Variants in MLPH observed in about 807,000 individuals in gnomAD.
The protein encoded by MLPH is melanophilin.
In MLPH, 51 loss-of-function variants were observed where a neutral mutation model predicts 72.1. That is an observed-to-expected ratio of 0.71 (90% confidence interval 0.56 to 0.89). The LOEUF is 0.89. MLPH is among the 40% of genes least tolerant of loss of function. The probability of loss-of-function intolerance (pLI) is 0.00; values close to 1 mark genes in which losing one functional copy is unlikely to be tolerated. For synonymous variants in MLPH, 301 were observed against 310.1 expected (o/e 0.97, Z 0.31); for missense variants, 743 against 759.9 (o/e 0.98, Z 0.26).
chr2:237,517,660 G>C (rs946663200), intron 4 of MLPH, among the ~76,000 whole-genome samples: 2 of 146,090 alleles, frequency 1.4e-5, no homozygotes, highest in African/African-American at 5.1e-5. Context: ...GGGGTGGATG[G>C]GTAGGTGAAT....
rs565349429 is a variant in MLPH at position 237,505,142 on chromosome 2, G to T, written c.111-5432G>T. On this transcript the variant is annotated intron_variant, in intron 2 of 15. Transcript: ENST00000264605. The surrounding 1 kb of genome is among the most constrained non-coding windows in gnomAD (Gnocchi z 4.5). The stretch of plus-strand genomic sequence containing the variant: ...CCCTCCCGGTGGCCAGGTTGATGGG[G>T]TCTGGACTCCACACACTGTCCCCAC... Among the ~76,000 whole-genome samples, 1 of 152,312 alleles carries T rather than the reference G, an allele frequency of 6.6e-6. No homozygotes were observed. The highest frequency in any genetic ancestry group is 2.1e-4 in the South Asian group (1 of 4,824).
chr2:237,525,845 A>C, intron 7 of MLPH, 40 bp downstream of exon 7: 1 of 1,585,986 alleles, frequency 6.3e-7, no homozygotes, highest in African/African-American at 1.3e-5. Flanking sequence ...TGGGCTCGGC[A>C]TGGGGGAGCA....
intron 13 of MLPH, among the ~76,000 whole-genome samples, chr2:237,547,084 G>A (rs545735059): frequency 1.3e-5 from 2 of 152,340 alleles, no homozygotes; most frequent in Admixed American, 6.5e-5. Context: ...ACCCACACCC[G>A]TCAGTCCTGA....
intron 15 of MLPH, chr2:237,553,186 T>C: frequency 6.2e-6 from 3 of 482,464 alleles, no homozygotes; most frequent in Non-Finnish European, 1.3e-5. Context: ...CATGAAGACT[T>C]GGCCGATGAC....
intron 2 of MLPH, among the ~76,000 whole-genome samples, chr2:237,496,890 A>C (rs1392317869): frequency 2.0e-5 from 3 of 152,270 alleles, no homozygotes; most frequent in African/African-American, 7.2e-5. Flanking sequence ...GATGGGTCTT[A>C]CTATGAGAGT....
chr2:237,487,621 C>A (rs2079344013), intron 1 of MLPH, among the ~76,000 whole-genome samples, 184 bp downstream of exon 1: 1 of 152,266 alleles, frequency 6.6e-6, no homozygotes, highest in African/African-American at 2.4e-5. Context: ...CAGCCTTAGT[C>A]CCCCAGGCTT....
chr2:237,552,564 T>A, intron 15 of MLPH, 127 bp downstream of exon 15: 3 of 793,462 alleles, frequency 3.8e-6, no homozygotes, highest in Admixed American at 5.1e-5. Flanking sequence ...GACCTGAGAA[T>A]CAAAGCAAAA....
intron 2 of MLPH, among the ~76,000 whole-genome samples, chr2:237,502,919 G>A (rs1051560751): frequency 6.6e-6 from 1 of 152,094 alleles, no homozygotes; most frequent in Non-Finnish European, 1.5e-5. Context: ...AGGAGTTCGA[G>A]ACCAGCCTGG....
At chr2:237,517,437 G>A (rs1319273287) in intron 4 of MLPH, among the ~76,000 whole-genome samples, 1 of 151,424 alleles carries the variant, frequency 6.6e-6, no homozygotes, top group Admixed American at 6.6e-5. Context: ...GTGGATAGGT[G>A]GATGGATGGA....
In MLPH at chr2:237,510,448, G is replaced by A; in HGVS notation, c.111-126G>A. 1 of 967,934 alleles carries A rather than the reference G, an allele frequency of 1.0e-6. No homozygotes were observed. Among genetic ancestry groups the A allele is most frequent in the Non-Finnish European group, 1.6e-6 (1 of 617,130 alleles). The allele number at this position is 967,934 out of a possible 1,614,324, so 60.0% of individuals were successfully genotyped here. On this transcript the variant is annotated intron_variant, in intron 2 of 15. Transcript: ENST00000264605. This position sits in a 1 kb window ranked among gnomAD's most constrained non-coding sequence, Gnocchi z 4.4. ...ACGTTGGGTCACTGTTTTCTGCATA[G>A]GAGACAGTTACTGTGTGTGTGTATG... is the stretch of plus-strand genomic sequence containing the variant.
chr2:237,516,898 AGGATGGATGGATGGTAGGAT>A (rs2080038016), intron 4 of MLPH, among the ~76,000 whole-genome samples: 1 of 101,190 alleles, frequency 9.9e-6, no homozygotes, highest in Non-Finnish European at 1.9e-5. Flanking sequence ...GATGGATGGT[AGGATGGATGGATGGTAGGAT>A]GGATGGATGG....
rs960329727 is a variant in MLPH at position 237,548,452 on chromosome 2, G to A, written c.1618-769G>A. ...AACTGGAAAAGAGACAGGAGGAGAA[G>A]TGTGAGGACCAACAGTCACAGGGAC... On this transcript the variant is annotated intron_variant, in intron 13 of 15. Coordinates refer to ENST00000264605, the MANE Select transcript of MLPH (RefSeq NM_024101.7). Among the ~76,000 whole-genome samples, 19 of 152,260 alleles carry A rather than the reference G, an allele frequency of 1.2e-4. 1 individual carries two copies. Among genetic ancestry groups the A allele is most frequent in the Non-Finnish European group, 2.8e-4 (19 of 68,044 alleles).
chr2:237,501,692 C>CAAAAAAA (rs566191064), intron 2 of MLPH, among the ~76,000 whole-genome samples: 1 of 106,564 alleles, frequency 9.4e-6, no homozygotes, highest in Non-Finnish European at 2.1e-5. Context: ...AAAAAAAATA[C>CAAAAAAA]AAAAAAATTA....
At chr2:237,488,680 A>G (rs886899147) in intron 1 of MLPH, among the ~76,000 whole-genome samples, 1 of 152,210 alleles carries the variant, frequency 6.6e-6, no homozygotes, top group African/African-American at 2.4e-5. Flanking sequence ...CGGCACACAC[A>G]TGGGGAGTCA....
At chr2:237,521,467 C>A (rs975549094) in intron 6 of MLPH, among the ~76,000 whole-genome samples, 2 of 152,114 alleles carry the variant, frequency 1.3e-5, no homozygotes, top group African/African-American at 4.8e-5. Flanking sequence ...GGACCCTGAA[C>A]CTATAAATAA....
intron 2 of MLPH, among the ~76,000 whole-genome samples, chr2:237,503,945 C>T (rs941846840): frequency 1.2e-4 from 18 of 152,236 alleles, no homozygotes; most frequent in South Asian, 8.3e-4. Context: ...GAGATGATCC[C>T]GGGTTCCCTG....
chr2:237,528,997 AGAG>A (rs2080363132), intron 8 of MLPH, among the ~76,000 whole-genome samples: 1 of 152,200 alleles, frequency 6.6e-6, no homozygotes, highest in South Asian at 2.1e-4. Flanking sequence ...ATATTTTACA[AGAG>A]GAGGAAATAA....
chr2:237,525,935 T>C, intron 7 of MLPH, 130 bp downstream of exon 7: 1 of 934,104 alleles, frequency 1.1e-6, no homozygotes, highest in Non-Finnish European at 1.7e-6. Context: ...TTGGCGTGAT[T>C]GTCCGGGACG....
Position 237,510,471 on chromosome 2 carries a change from A to G in MLPH, c.111-103A>G, listed in dbSNP as rs2079866374. ...TAGGAGACAGTTACTGTGTGTGTGT[A>G]TGTGTCTGTGTCTGTGTGTGTGTGT... On this transcript the variant is annotated intron_variant, in intron 2 of 15. Transcript: ENST00000264605. This position sits in a 1 kb window ranked among gnomAD's most constrained non-coding sequence, Gnocchi z 4.4. The G allele has an allele frequency of 1.9e-6, 2 of 1,050,630 alleles. No homozygotes were observed. The highest frequency in any genetic ancestry group is 2.9e-6 in the Non-Finnish European group (2 of 690,170). The allele number at this position is 1,050,630 out of a possible 1,614,324, so 65.1% of individuals were successfully genotyped here.
Sources: allele counts gnomAD v4.1 joint callset (sites outside exome capture counted in the v4.1 genomes callset), GRCh38; gene constraint gnomAD v4.1.1; non-coding constraint Gnocchi (gnomAD v3.1); transcripts MANE v1.5; gene names NCBI Gene and HGNC (gene_info 2026-07-23, HGNC 2026-07-21).